DCC: variants seen among roughly 807,000 people sequenced by gnomAD.
The protein encoded by DCC is netrin receptor DCC.
A neutral mutation model predicts 172.5 loss-of-function variants in DCC; 58 were observed. The observed-to-expected ratio is 0.34, with a 90% CI of 0.27 to 0.42. The LOEUF is 0.42. DCC is among the 10% of genes least tolerant of loss of function. The pLI is 1.00. For synonymous variants in DCC, 709 were observed against 644.5 expected (o/e 1.10, Z -1.52); for missense variants, 1,740 against 1,791.0 (o/e 0.97, Z 0.51).
At chr18:52,887,173 C>T (rs1261236009) in intron 2 of DCC, among the ~76,000 whole-genome samples, 3 of 152,172 alleles carry the variant, frequency 2.0e-5, no homozygotes, top group African/African-American at 7.2e-5. Context: ...AATTTGATCA[C>T]TAATTAAGAC....
At chr18:52,871,434 G>A (rs2039316401) in intron 2 of DCC, among the ~76,000 whole-genome samples, 1 of 152,006 alleles carries the variant, frequency 6.6e-6, no homozygotes, top group Non-Finnish European at 1.5e-5. Flanking sequence ...GGGGGTTTTA[G>A]GCTCACATTC....
intron 12 of DCC, among the ~76,000 whole-genome samples, chr18:53,253,434 A>T (rs554433245): frequency 8.5e-5 from 13 of 152,172 alleles, no homozygotes; most frequent in African/African-American, 3.1e-4. Context: ...AGGCCACTCA[A>T]GTATTAAATA....
intron 7 of DCC, among the ~76,000 whole-genome samples, chr18:53,085,172 T>C (rs2042860331): frequency 6.6e-6 from 1 of 152,170 alleles, no homozygotes; most frequent in Non-Finnish European, 1.5e-5. Flanking sequence ...GCCCTCAGGT[T>C]CTGAAGGACA....
intron 3 of DCC, among the ~76,000 whole-genome samples, chr18:52,922,274 T>C (rs572417030): frequency 2.0e-5 from 3 of 152,282 alleles, no homozygotes; most frequent in South Asian, 2.1e-4. Flanking sequence ...AAGAATACTT[T>C]AGATAACAAT....
chr18:52,584,842 A>G (rs75616055), intron 1 of DCC, among the ~76,000 whole-genome samples: 3,057 of 152,130 alleles, frequency 0.02, 111 homozygotes, highest in East Asian at 0.096. Flanking sequence ...ACCCAGCCTA[A>G]ACCACTACTT....
intron 5 of DCC, among the ~76,000 whole-genome samples, chr18:52,935,191 A>G (rs2040364676): frequency 8.0e-6 from 1 of 125,704 alleles, no homozygotes; most frequent in South Asian, 2.2e-4. Context: ...CCCATTTACA[A>G]TAGCAGTGGA....
intron 15 of DCC, among the ~76,000 whole-genome samples, chr18:53,360,169 G>C (rs1599063642): frequency 6.6e-6 from 1 of 152,066 alleles, no homozygotes; most frequent in African/African-American, 2.4e-5. Flanking sequence ...TTGTGTGTTT[G>C]TGTGTTTTAA....
At chr18:52,410,191 A>G (rs1196569849) in intron 1 of DCC, among the ~76,000 whole-genome samples, 1 of 152,164 alleles carries the variant, frequency 6.6e-6, no homozygotes, top group African/African-American at 2.4e-5. Context: ...TGGGAGGCTG[A>G]GGCAGGAGGA....
intron 1 of DCC, among the ~76,000 whole-genome samples, chr18:52,460,673 CAT>C (rs1988602681): frequency 6.6e-6 from 1 of 152,160 alleles, no homozygotes; most frequent in Admixed American, 6.5e-5. Flanking sequence ...CTAGGCTACA[CAT>C]GTGTACAGCA....
In DCC at chr18:52,923,838, G is replaced by A. The variant is rs771145713; in HGVS notation, c.829G>A (p.Glu277Lys). Residue 277 changes from glutamate (E) to lysine (K), a missense_variant, in exon 4 of 29, where the codon GAG becomes AAG. Glu to Lys is a moderately conservative substitution (Grantham distance 56, BLOSUM62 1). Around this residue, in one of 2 missense-constraint regions of DCC, gnomAD observed 1,732 missense variants for 1,767.4 expected, o/e 0.98. Transcript: ENST00000442544. ...ACCAAGTTTTACCTGGTTACGAGGC[G>A]AGGAAGTCATCCAACTCAGGTATTT... ...PPPSFTWLRG[E>K]EVIQLRSKKY... 1.5e-5 allele frequency: 25 copies of A among 1,613,142 alleles called. No individual in the cohort carries two copies. Among genetic ancestry groups the A allele is most frequent in the Admixed American group, 1.2e-4 (7 of 59,888 alleles).
intron 1 of DCC, among the ~76,000 whole-genome samples, chr18:52,426,195 GCTGTGTCCTCCACC>G (rs1374638436): frequency 6.6e-6 from 1 of 152,054 alleles, no homozygotes; most frequent in Non-Finnish European, 1.5e-5. Flanking sequence ...GTGGTGAAAA[GCTGTGTCCTCCACC>G]CTATCATCTC....
intron 7 of DCC, 43 bp downstream of exon 7, chr18:53,066,209 T>C: frequency 1.3e-6 from 2 of 1,592,454 alleles, no homozygotes; most frequent in Non-Finnish European, 1.7e-6. Context: ...GAATGAAAAT[T>C]ATTCATAGTC....
intron 1 of DCC, among the ~76,000 whole-genome samples, chr18:52,519,062 G>T (rs540864267): frequency 6.6e-6 from 1 of 152,316 alleles, no homozygotes; most frequent in South Asian, 2.1e-4. Context: ...ATTAAAATAT[G>T]TAGAAAGGTT....
intron 1 of DCC, among the ~76,000 whole-genome samples, chr18:52,371,487 G>C (rs1985120165): frequency 6.6e-6 from 1 of 152,210 alleles, no homozygotes; most frequent in African/African-American, 2.4e-5. Flanking sequence ...GAACGTTAGT[G>C]AACGTTTACT....
intron 7 of DCC, among the ~76,000 whole-genome samples, chr18:53,078,036 G>T (rs181578235): frequency 1.3e-5 from 2 of 152,086 alleles, no homozygotes; most frequent in African/African-American, 4.8e-5. Context: ...GAGTAAATTC[G>T]ATATAACTAA....
chr18:53,510,023 A>G (rs1202668884), intron 27 of DCC, among the ~76,000 whole-genome samples: 1 of 152,134 alleles, frequency 6.6e-6, no homozygotes, highest in African/African-American at 2.4e-5. Flanking sequence ...TTCTGCAACA[A>G]TCTCTTATTT....
At chr18:52,597,180 G>C (rs547658693) in intron 1 of DCC, among the ~76,000 whole-genome samples, 1 of 152,082 alleles carries the variant, frequency 6.6e-6, no homozygotes, top group African/African-American at 2.4e-5. Context: ...TCTTTGAAAC[G>C]GCCTATAAAA....
At chr18:52,956,190 T>A (rs1397452597) in intron 5 of DCC, among the ~76,000 whole-genome samples, 1 of 152,070 alleles carries the variant, frequency 6.6e-6, no homozygotes, top group East Asian at 1.9e-4. Flanking sequence ...GTTTTATAGT[T>A]TAGCATTTTA....
At chr18:52,438,464 A>G (rs1987867550) in intron 1 of DCC, among the ~76,000 whole-genome samples, 2 of 152,184 alleles carry the variant, frequency 1.3e-5, no homozygotes, top group East Asian at 1.9e-4. Context: ...AATTTTTCAC[A>G]TTAACATAGT....
Sources: allele counts gnomAD v4.1 joint callset (sites outside exome capture counted in the v4.1 genomes callset), GRCh38; gene constraint gnomAD v4.1.1; regional missense constraint gnomAD v4.1.1; transcripts MANE v1.5; gene names NCBI Gene and HGNC (gene_info 2026-07-23, HGNC 2026-07-21).